PDE7B: variants seen among roughly 807,000 people sequenced by gnomAD.
The protein encoded by PDE7B is 3',5'-cyclic-AMP phosphodiesterase 7B.
A neutral mutation model predicts 56.2 loss-of-function variants in PDE7B; 29 were observed. The ratio of observed to expected loss-of-function variants is 0.52; its 90% CI spans 0.38 to 0.70. PDE7B has a LOEUF of 0.70. PDE7B is among the 30% of genes least tolerant of loss of function. The pLI is 0.00. For synonymous variants in PDE7B, 197 were observed against 196.9 expected (o/e 1.00, Z 0.00); for missense variants, 490 against 565.0 (o/e 0.87, Z 1.35).
chr6:135,885,614 C>T (rs1422377990), intron 1 of PDE7B, among the ~76,000 whole-genome samples: 2 of 152,018 alleles, frequency 1.3e-5, no homozygotes, highest in Non-Finnish European at 1.5e-5. Flanking sequence ...TAAGTGTAAC[C>T]CCATTCCAAG....
intron 1 of PDE7B, among the ~76,000 whole-genome samples, chr6:135,859,634 C>G (rs1775106582): frequency 6.6e-6 from 1 of 151,940 alleles, no homozygotes; most frequent in South Asian, 2.1e-4. Context: ...AAATATTGTT[C>G]TCTTTTTCAT....
intron 1 of PDE7B, among the ~76,000 whole-genome samples, chr6:135,945,539 T>A (rs561139133): frequency 6.6e-6 from 1 of 152,186 alleles, no homozygotes; most frequent in Non-Finnish European, 1.5e-5. Context: ...TGTAACAGCA[T>A]CATCCTTTCT....
chr6:135,968,611 G>C (rs1210187726), intron 2 of PDE7B, among the ~76,000 whole-genome samples: 1 of 152,144 alleles, frequency 6.6e-6, no homozygotes, highest in East Asian at 1.9e-4. Context: ...TCTCAGAACA[G>C]CGATTATTAA....
intron 1 of PDE7B, among the ~76,000 whole-genome samples, chr6:135,938,185 T>C (rs1490223741): frequency 2.0e-5 from 3 of 152,246 alleles, no homozygotes; most frequent in Non-Finnish European, 4.4e-5. Flanking sequence ...TTTTGTTCTA[T>C]ATTGCCTCCT....
intron 1 of PDE7B, among the ~76,000 whole-genome samples, chr6:135,920,183 T>A (rs1774046029): frequency 6.6e-6 from 1 of 152,172 alleles, no homozygotes; most frequent in South Asian, 2.1e-4. Context: ...AAAATTTCAT[T>A]GGCAAAAGAG....
chr6:136,183,387 A>G (rs1016216029), intron 11 of PDE7B, among the ~76,000 whole-genome samples: 14 of 151,940 alleles, frequency 9.2e-5, no homozygotes, highest in Non-Finnish European at 1.9e-4. Flanking sequence ...AGGTCAGGAG[A>G]TAGAGATCAT....
chr6:136,118,980 G>A (rs1043792078), intron 3 of PDE7B, among the ~76,000 whole-genome samples: 8 of 152,112 alleles, frequency 5.3e-5, no homozygotes, highest in Non-Finnish European at 1.0e-4. Context: ...ACATTTCATC[G>A]CCTGACCTTG....
At chr6:136,178,515 T>TGG (rs1174976068) in intron 9 of PDE7B, among the ~76,000 whole-genome samples, 9 of 152,206 alleles carry the variant, frequency 5.9e-5, no homozygotes, top group Non-Finnish European at 1.3e-4. Context: ...CAGAATCTCT[T>TGG]CCTGGCCTAT....
intron 1 of PDE7B, among the ~76,000 whole-genome samples, chr6:135,929,329 C>T (rs996051449): frequency 1.3e-5 from 2 of 151,952 alleles, no homozygotes; most frequent in Admixed American, 6.6e-5. Context: ...AACAAACAAG[C>T]GCTTATTATT....
rs527760484 is a variant in PDE7B, at chr6:136,001,245, G to A, written c.82+53721G>A. 3.6e-3 allele frequency among the ~76,000 whole-genome samples: 548 copies of A among 152,260 alleles called. 2 individuals are homozygous for A. The highest frequency in any genetic ancestry group is 0.012 in the African/African-American group (515 of 41,552). ...CAAAAGTAGATAAAACCACAAAGATGGGGAGAAAACAGAGCAGAAAAACTG... is the reference window on the plus strand; with the variant it reads ...CAAAAGTAGATAAAACCACAAAGATAGGGAGAAAACAGAGCAGAAAAACTG... On this transcript the variant is annotated intron_variant, in intron 2 of 12. Coordinates refer to ENST00000308191, the MANE Select transcript of PDE7B (RefSeq NM_018945.4).
intron 2 of PDE7B, among the ~76,000 whole-genome samples, chr6:135,985,223 A>G (rs972366002): frequency 6.6e-6 from 1 of 152,050 alleles, no homozygotes; most frequent in Non-Finnish European, 1.5e-5. Flanking sequence ...GGGAAAAAAA[A>G]CCCTCCATAT....
intron 1 of PDE7B, among the ~76,000 whole-genome samples, chr6:135,870,708 G>T (rs1775362403): frequency 6.6e-6 from 1 of 151,888 alleles, no homozygotes. Flanking sequence ...AGCTTGAGAG[G>T]CCTATCAGTG....
At chr6:136,069,242 T>C (rs897455191) in intron 2 of PDE7B, among the ~76,000 whole-genome samples, 24 of 152,212 alleles carry the variant, frequency 1.6e-4, no homozygotes, top group Non-Finnish European at 3.4e-4. Flanking sequence ...GTGCTTTTGC[T>C]TTAAAGGCTG....
intron 6 of PDE7B, among the ~76,000 whole-genome samples, chr6:136,151,911 G>A (rs1415948393): frequency 1.3e-5 from 2 of 152,126 alleles, no homozygotes; most frequent in Non-Finnish European, 2.9e-5. Flanking sequence ...CTGCACTCCA[G>A]CCTGGGCGAC....
At chr6:135,971,616 A>C (rs1015794759) in intron 2 of PDE7B, among the ~76,000 whole-genome samples, 20 of 152,216 alleles carry the variant, frequency 1.3e-4, no homozygotes, top group African/African-American at 4.3e-4. Flanking sequence ...ACATTACTGA[A>C]TTGGAGTGTT....
intron 1 of PDE7B, among the ~76,000 whole-genome samples, chr6:135,880,323 T>A (rs1245653547): frequency 6.6e-6 from 1 of 152,202 alleles, no homozygotes; most frequent in Admixed American, 6.5e-5. Context: ...GGAATGTTGG[T>A]GTATAACTTG....
At chr6:136,030,495 C>A (rs538006331) in intron 2 of PDE7B, among the ~76,000 whole-genome samples, 30 of 152,298 alleles carry the variant, frequency 2.0e-4, no homozygotes, top group Admixed American at 6.5e-4. Flanking sequence ...TTCGCTGAGA[C>A]TGACATTGCT....
chr6:135,988,307 G>C (rs1775417380), intron 2 of PDE7B, among the ~76,000 whole-genome samples: 1 of 151,950 alleles, frequency 6.6e-6, no homozygotes. Context: ...GTAGATTTTG[G>C]AAAAATAGAA....
At chr6:136,048,535 G>C (rs1776561682) in intron 2 of PDE7B, among the ~76,000 whole-genome samples, 1 of 151,966 alleles carries the variant, frequency 6.6e-6, no homozygotes, top group Non-Finnish European at 1.5e-5. Context: ...CAAGTTATGG[G>C]GTATAAAATG....
Sources: gnomAD v4.1 joint callset for allele counts (sites outside exome capture counted in the v4.1 genomes callset) on GRCh38, gnomAD v4.1.1 for gene constraint, MANE v1.5 for transcripts, NCBI Gene and HGNC (gene_info 2026-07-23, HGNC 2026-07-21) for gene names.